The following SPAG17 variants were observed in gnomAD, a reference collection of about 807,000 sequenced individuals.
The protein encoded by SPAG17 is sperm associated antigen 17.
SPAG17 carries 169 observed loss-of-function variants against 273.6 expected under a neutral mutation model. That is an observed-to-expected ratio of 0.62 (90% CI 0.55 to 0.70). The LOEUF is 0.70. Ranked by LOEUF, SPAG17 falls within the 30% of genes least tolerant of loss-of-function variation. The pLI is 0.00. For missense variants in SPAG17, 2,557 were observed against 2,627.8 expected, an observed-to-expected ratio of 0.97 and a Z score of 0.59; for synonymous variants, 825 against 873.2, an observed-to-expected ratio of 0.94 and a Z score of 0.97.
intron 38 of SPAG17, among the ~76,000 whole-genome samples, chr1:117,988,411 T>C (rs1046388834): frequency 6.6e-5 from 10 of 152,192 alleles, no homozygotes; most frequent in Non-Finnish European, 1.3e-4. Flanking sequence ...ACACAACTTA[T>C]AGTCAAAATG....
chr1:118,174,474 A>G (rs1310778031), intron 1 of SPAG17, among the ~76,000 whole-genome samples: 1 of 152,192 alleles, frequency 6.6e-6, no homozygotes, highest in Non-Finnish European at 1.5e-5. Context: ...AGAGCAAAAG[A>G]GACTTAAGGG....
chr1:118,027,657 A>G (rs1017604372), intron 26 of SPAG17, among the ~76,000 whole-genome samples: 4 of 152,216 alleles, frequency 2.6e-5, no homozygotes, highest in Non-Finnish European at 5.9e-5. Context: ...ATATATTCAA[A>G]TTCAGTAACA....
chr1:118,098,097 G>A (rs1390487734), intron 6 of SPAG17, among the ~76,000 whole-genome samples: 1 of 152,150 alleles, frequency 6.6e-6, no homozygotes, highest in Non-Finnish European at 1.5e-5. Flanking sequence ...TTGAGGCCCA[G>A]GAAGATTATG....
chr1:118,073,870 G>A lies in SPAG17; in HGVS notation c.2369C>T (p.Pro790Leu), dbSNP rs146282295. ...MDWSFTEHFK[P>L]KVLLQVLQEA... ...CATAAATACCTGAAGCAGTACTTTC[G>A]GTTTAAAATGTTCAGTAAAACTCCA... The change falls in exon 17 of 49, where the codon CCG becomes CTG. Residue 790 changes from proline (P) to leucine (L), a missense_variant. Coordinates refer to ENST00000336338, the MANE Select transcript of SPAG17 (RefSeq NM_206996.4). The A allele has an allele frequency of 7.6e-6, 12 of 1,583,250 alleles. No homozygotes were observed. The highest frequency in any genetic ancestry group is 2.3e-5 in the East Asian group (1 of 43,160).
At chr1:118,055,518 G>C (rs964133668) in intron 19 of SPAG17, among the ~76,000 whole-genome samples, 1 of 152,054 alleles carries the variant, frequency 6.6e-6, no homozygotes, top group South Asian at 2.1e-4. Flanking sequence ...GACAAGAAGT[G>C]GGGGGTCAAT....
In SPAG17 at chr1:118,057,844, A is replaced by T. The variant is rs1054055859; in HGVS notation, c.2541-1930T>A. On this transcript the variant is annotated intron_variant, in intron 18 of 48. Coordinates refer to ENST00000336338, the MANE Select transcript of SPAG17 (RefSeq NM_206996.4). The stretch of plus-strand genomic sequence containing the variant: ...GTAAATGGAATTATGTTAAATTAAA[A>T]TTTTTTTTTTGTAAAATAATATTAA... Among the ~76,000 whole-genome samples the T allele has an allele frequency of 1.7e-4, 26 of 149,830 alleles. No homozygotes were observed. In the East Asian group the frequency reaches 1.9e-3, roughly 11 times the overall value.
At chr1:118,042,941 G>A (rs1195566898) in intron 20 of SPAG17, among the ~76,000 whole-genome samples, 1 of 152,016 alleles carries the variant, frequency 6.6e-6, no homozygotes, top group Non-Finnish European at 1.5e-5. Flanking sequence ...CCAAGAACCT[G>A]GACCCTTCCA....
chr1:118,120,606 A>C (rs1183336934), intron 3 of SPAG17, among the ~76,000 whole-genome samples: 1 of 152,214 alleles, frequency 6.6e-6, no homozygotes, highest in African/African-American at 2.4e-5. Context: ...GTGAGGAGTA[A>C]GGAAAATCTA....
At chr1:118,045,328 G>C (rs146787416) in intron 20 of SPAG17, among the ~76,000 whole-genome samples, 1 of 152,164 alleles carries the variant, frequency 6.6e-6, no homozygotes, top group Non-Finnish European at 1.5e-5. Flanking sequence ...CAGGAGGGAG[G>C]AGGAGCCAGA....
chr1:117,974,112 T>C (rs145166140), intron 43 of SPAG17, among the ~76,000 whole-genome samples: 230 of 152,308 alleles, frequency 1.5e-3, no homozygotes, highest in African/African-American at 5.4e-3. Context: ...ATCATGAACA[T>C]TACTGCAGTG....
Position 118,091,733 on chromosome 1 carries a change from A to C in SPAG17, c.1247-15T>G, listed in dbSNP as rs1015141096. 6.6e-7 allele frequency: 1 copy of C among 1,510,894 alleles called. No individual in the cohort carries two copies. Among genetic ancestry groups the C allele is most frequent in the African/African-American group, 1.4e-5 (1 of 72,822 alleles). 93.6% of individuals were successfully genotyped at this position (1,510,894 alleles called of 1,614,324 possible). ...GACTGAAGTCACTGTAAAATATAGA[A>C]AATACCATTGCCCAATTAAGTTGTG... On this transcript the variant is annotated splice_polypyrimidine_tract_variant and intron_variant, in intron 9 of 48. Coordinates refer to ENST00000336338, the MANE Select transcript of SPAG17 (RefSeq NM_206996.4).
intron 4 of SPAG17, among the ~76,000 whole-genome samples, chr1:118,114,435 T>C (rs2102253911): frequency 6.6e-6 from 1 of 152,312 alleles, no homozygotes; most frequent in Non-Finnish European, 1.5e-5. Context: ...TTGGGGGTCT[T>C]GCAAAGGTGA....
chr1:117,958,917 T>G, intron 48 of SPAG17: 1 of 1,613,886 alleles, frequency 6.2e-7, no homozygotes, highest in South Asian at 1.1e-5. Context: ...CAGGATTCAC[T>G]TTGGACAGAT....
intron 19 of SPAG17, 53 bp downstream of exon 19, chr1:118,055,680 G>A: frequency 1.5e-6 from 2 of 1,379,300 alleles, no homozygotes; most frequent in Non-Finnish European, 2.0e-6. Flanking sequence ...AATTAAGAGA[G>A]AGAAGAACGT....
At chr1:118,135,620 T>C (rs910369659) in intron 3 of SPAG17, among the ~76,000 whole-genome samples, 6 of 152,204 alleles carry the variant, frequency 3.9e-5, no homozygotes, top group Admixed American at 1.3e-4. Flanking sequence ...TTTACTGTTG[T>C]ATTTGACAAG....
At chr1:118,056,488 G>C (rs568132959) in intron 18 of SPAG17, among the ~76,000 whole-genome samples, 44 of 152,242 alleles carry the variant, frequency 2.9e-4, no homozygotes, top group African/African-American at 1.1e-3. Flanking sequence ...TTGCTTACCA[G>C]CAGTCATATT....
At chr1:118,018,176 A>G (rs1238909370) in intron 28 of SPAG17, among the ~76,000 whole-genome samples, 1 of 152,206 alleles carries the variant, frequency 6.6e-6, no homozygotes, top group African/African-American at 2.4e-5. Flanking sequence ...GGACTTAGGC[A>G]GAAATGAATG....
chr1:118,144,663 G>A (rs1001062984), intron 3 of SPAG17, among the ~76,000 whole-genome samples: 2 of 152,150 alleles, frequency 1.3e-5, no homozygotes. Flanking sequence ...GTGGAGTGCC[G>A]AGGCCCTGGT....
chr1:117,956,973 C>G, intron 48 of SPAG17: 1 of 1,104,646 alleles, frequency 9.1e-7, no homozygotes, highest in Non-Finnish European at 1.2e-6. Flanking sequence ...AGTATAAAAT[C>G]AGTAGAAAAA....
Sources: allele counts gnomAD v4.1 joint callset (sites outside exome capture counted in the v4.1 genomes callset), GRCh38; gene constraint gnomAD v4.1.1; transcripts MANE v1.5; gene names NCBI Gene and HGNC (gene_info 2026-07-23, HGNC 2026-07-21).